The following LUZP2 variants were observed in gnomAD, a reference collection of about 807,000 sequenced individuals.
LUZP2 encodes the protein leucine zipper protein 2.
In LUZP2, 52 loss-of-function variants were observed where a neutral mutation model predicts 51.6. The observed-to-expected ratio is 1.01, with a 90% CI of 0.81 to 1.27. LUZP2 has a LOEUF of 1.27. Ranked by LOEUF, LUZP2 falls within the 50% of genes most tolerant of loss-of-function variation. LUZP2 has a pLI of 0.00. For missense variants in LUZP2, 436 were observed against 395.4 expected, an observed-to-expected ratio of 1.10 and a Z score of -0.87; for synonymous variants, 154 against 137.3, an observed-to-expected ratio of 1.12 and a Z score of -0.85.
At position 24,959,590 on chromosome 11, in the gene LUZP2, T is replaced by C. The variant is rs1195534171; in HGVS notation, c.523-17001T>C. Among the ~76,000 whole-genome samples the C allele has an allele frequency of 2.6e-5, 4 of 152,166 alleles. No individual in the cohort carries two copies. In the East Asian group the frequency reaches 5.8e-4, roughly 22 times the overall value. On this transcript the variant is annotated intron_variant, in intron 7 of 11. Transcript: ENST00000336930. ...TGTATAAGAATGCTTGTGATTTTTG[T>C]ACATTGATTTTGTATCCTGAGACTT...
At position 25,082,063 on chromosome 11, in the gene LUZP2, A is replaced by G. The variant is rs987552192; in HGVS notation, c.*3405A>G. ...TTAAACTTGAATGCTGTGTCTATCC[A>G]ATGCCAAAATGCTCAGAAGAAAAGT... On this transcript the variant is annotated 3_prime_UTR_variant, in exon 12 of 12. Coordinates refer to ENST00000336930, the MANE Select transcript of LUZP2 (RefSeq NM_001009909.4). 6 of 152,514 alleles carry G rather than the reference A, an allele frequency of 3.9e-5. No homozygotes were observed. The highest frequency in any genetic ancestry group is 8.8e-5 in the Non-Finnish European group (6 of 68,008). The allele number at this position is 152,514 out of a possible 1,614,324, so 9.4% of individuals were successfully genotyped here.
chr11:24,975,652 G>A (rs1855863976), intron 7 of LUZP2, among the ~76,000 whole-genome samples: 1 of 152,056 alleles, frequency 6.6e-6, no homozygotes, highest in African/African-American at 2.4e-5. Context: ...GGCTATTATG[G>A]TGTAGAATAA....
At chr11:25,025,114 T>G (rs1448998911) in intron 9 of LUZP2, among the ~76,000 whole-genome samples, 1 of 152,148 alleles carries the variant, frequency 6.6e-6, no homozygotes, top group African/African-American at 2.4e-5. Flanking sequence ...TGAAATTGGA[T>G]CCCTTCCTTA....
In LUZP2 at chr11:24,918,712, C is replaced by A. The variant is rs191283015; in HGVS notation, c.522+4174C>A. ...AAGTGTCAAAAAATATAAAGCCAAA[C>A]TTAAAATCCCGTCACCAGAGCAAAT... On this transcript the variant is annotated intron_variant, in intron 7 of 11. Transcript: ENST00000336930. Among the ~76,000 whole-genome samples the A allele has an allele frequency of 3.6e-3, 545 of 150,878 alleles. 9 individuals carry two copies. Among genetic ancestry groups the A allele is most frequent in the Non-Finnish European group, 4.5e-3 (308 of 67,722 alleles).
chr11:24,756,306 A>G (rs1033013683), intron 4 of LUZP2, among the ~76,000 whole-genome samples: 1 of 152,228 alleles, frequency 6.6e-6, no homozygotes, highest in African/African-American at 2.4e-5. Flanking sequence ...ACATGTTCTC[A>G]GGATCTCCTG....
intron 9 of LUZP2, among the ~76,000 whole-genome samples, chr11:24,983,628 A>G (rs1856103353): frequency 6.6e-6 from 1 of 151,700 alleles, no homozygotes; most frequent in African/African-American, 2.4e-5. Context: ...GATATGGGGA[A>G]TATTTTCTTC....
chr11:24,637,540 G>A (rs909404354), intron 1 of LUZP2, among the ~76,000 whole-genome samples: 1 of 151,862 alleles, frequency 6.6e-6, no homozygotes, highest in East Asian at 1.9e-4. Flanking sequence ...AAAGCGAGTA[G>A]GAGAGATATT....
chr11:24,924,313 G>C (rs1463286795), intron 7 of LUZP2, among the ~76,000 whole-genome samples: 1 of 151,848 alleles, frequency 6.6e-6, no homozygotes, highest in Admixed American at 6.6e-5. Context: ...CCTGACCTCA[G>C]GTGATCTGCC....
At chr11:24,786,244 C>T in intron 5 of LUZP2, 2 of 959,476 alleles carry the variant, frequency 2.1e-6, no homozygotes, top group Non-Finnish European at 2.5e-6. Context: ...ATCGTAATTG[C>T]ATGCATGCAT....
At chr11:24,954,163 A>T (rs879340005) in intron 7 of LUZP2, among the ~76,000 whole-genome samples, 1 of 152,058 alleles carries the variant, frequency 6.6e-6, no homozygotes, top group Non-Finnish European at 1.5e-5. Flanking sequence ...AGCAAGGGTA[A>T]CCTATAGTTT....
At chr11:24,836,428 A>G (rs1380607997) in intron 5 of LUZP2, among the ~76,000 whole-genome samples, 1 of 151,924 alleles carries the variant, frequency 6.6e-6, no homozygotes, top group Non-Finnish European at 1.5e-5. Context: ...ATTAAAATAT[A>G]TCAAATTTGG....
chr11:24,832,359 C>G (rs543454214), intron 5 of LUZP2, among the ~76,000 whole-genome samples: 6 of 151,774 alleles, frequency 4.0e-5, no homozygotes, highest in Non-Finnish European at 8.8e-5. Context: ...AATAGTCTTG[C>G]ACGCTTACAG....
At chr11:24,508,901 C>T (rs1417682280) in intron 1 of LUZP2, among the ~76,000 whole-genome samples, 3 of 151,904 alleles carry the variant, frequency 2.0e-5, no homozygotes, top group Admixed American at 2.0e-4. Context: ...GAGACTTGAG[C>T]CCATGATTTA....
chr11:24,521,151 G>T (rs1398956995), intron 1 of LUZP2, among the ~76,000 whole-genome samples: 1 of 152,104 alleles, frequency 6.6e-6, no homozygotes, highest in African/African-American at 2.4e-5. Context: ...AGAAGTTTGG[G>T]ACCAGCTTAG....
chr11:24,669,090 T>C (rs1463978696), intron 1 of LUZP2, among the ~76,000 whole-genome samples: 2 of 152,048 alleles, frequency 1.3e-5, no homozygotes, highest in African/African-American at 4.8e-5. Context: ...AAAAAGGAAA[T>C]CAAAAGAACC....
At chr11:24,593,662 A>T (rs1002839153) in intron 1 of LUZP2, among the ~76,000 whole-genome samples, 4 of 152,232 alleles carry the variant, frequency 2.6e-5, no homozygotes, top group African/African-American at 9.6e-5. Context: ...GGCTTCCCAC[A>T]GCTTAGAGTT....
At chr11:24,969,147 C>A (rs767845995) in intron 7 of LUZP2, among the ~76,000 whole-genome samples, 14 of 152,228 alleles carry the variant, frequency 9.2e-5, no homozygotes, top group Non-Finnish European at 1.6e-4. Context: ...CTGCTTCTCT[C>A]CCTCCTTTCT....
At chr11:24,770,805 T>C (rs1860381973) in intron 5 of LUZP2, among the ~76,000 whole-genome samples, 1 of 152,200 alleles carries the variant, frequency 6.6e-6, no homozygotes. Flanking sequence ...ACAAAATCGT[T>C]TGAAGAGCTA....
chr11:24,722,667 C>A (rs989028645), intron 1 of LUZP2, among the ~76,000 whole-genome samples: 5 of 152,062 alleles, frequency 3.3e-5, no homozygotes, highest in Admixed American at 2.6e-4. Context: ...CTTGTAATCC[C>A]AGCACTTTGG....
Sources: gnomAD v4.1 joint callset for allele counts (sites outside exome capture counted in the v4.1 genomes callset) on GRCh38, gnomAD v4.1.1 for gene constraint, MANE v1.5 for transcripts, NCBI Gene and HGNC (gene_info 2026-07-23, HGNC 2026-07-21) for gene names.